Variants in F7 observed in about 807,000 individuals in gnomAD.
F7 encodes FVII coagulation protein.
In F7, 38 loss-of-function variants were observed where a neutral mutation model predicts 47.5. The ratio of observed to expected loss-of-function variants is 0.80; its 90% CI spans 0.62 to 1.05. The LOEUF is 1.05. F7 is among the 50% of genes least tolerant of loss of function. The pLI is 0.00. For synonymous variants in F7, 244 were observed against 258.5 expected, an observed-to-expected ratio of 0.94 and a Z score of 0.54; for missense variants, 575 against 605.4, an observed-to-expected ratio of 0.95 and a Z score of 0.53.
rs760755705 is a variant in F7 at position 113,113,660 on chromosome 13, C to A, written c.226-92C>A. The A allele has an allele frequency of 1.5e-6, 2 of 1,347,020 alleles. No homozygotes were observed. The highest frequency in any genetic ancestry group is 1.7e-5 in the Admixed American group (1 of 59,686). The allele number at this position is 1,347,020 out of a possible 1,614,324, so 83.4% of individuals were successfully genotyped here. On this transcript the variant is annotated intron_variant, in intron 2 of 7. Coordinates refer to ENST00000346342, the MANE Select transcript of F7 (RefSeq NM_019616.4). This position sits in a 1 kb window ranked among gnomAD's most constrained non-coding sequence, Gnocchi z 4.1. ...CACCCCGCCAGACCCAGGTCCAAGTCCCCCAACCCCAGTTCATGGTGTGTC... is the reference window on the plus strand; with the variant it reads ...CACCCCGCCAGACCCAGGTCCAAGTACCCCAACCCCAGTTCATGGTGTGTC...
chr13:113,111,916 T>TTCACACTCACGGGTCACC (rs2036105224), intron 2 of F7, among the ~76,000 whole-genome samples: 1 of 127,488 alleles, frequency 7.8e-6, no homozygotes, highest in Non-Finnish European at 1.7e-5. Flanking sequence ...CAGGGCGCAC[T>TTCACACTCACGGGTCACC]TCACACTCAC....
In F7 at chr13:113,119,074, A is replaced by G. The variant is rs1456736914; in HGVS notation, c.*66A>G. The G allele has an allele frequency of 8.4e-6, 11 of 1,316,366 alleles. No individual in the cohort carries two copies. In the Middle Eastern group the frequency reaches 6.3e-4, roughly 75 times the overall value. The allele number at this position is 1,316,366 out of a possible 1,614,324, so 81.5% of individuals were successfully genotyped here. On this transcript the variant is annotated 3_prime_UTR_variant, in exon 8 of 8. Transcript: ENST00000346342. ...TCGAACTGTCCTGGCACCAAATCCC[A>G]TATATTCTTCTGCAGTTAATGGGGT...
In F7 at chr13:113,118,739, G is replaced by A. The variant is rs2036245368; in HGVS notation, c.1066G>A (p.Gly356Arg). ...QDCLQQSRKV[G>R]DSPNITEYMF... ...CTGCCTGCAGCAGTCACGGAAGGTG[G>A]GAGACTCCCCAAATATCACGGAGTA... is the stretch of plus-strand genomic sequence containing the variant. Residue 356 changes from glycine (G) to arginine (R), a missense_variant, in exon 8 of 8, where the codon GGA (glycine) becomes AGA (arginine). By Grantham distance (125) the Gly-to-Arg change is moderately radical. Transcript: ENST00000346342. 6.2e-7 allele frequency: 1 copy of A among 1,613,010 alleles called. No individual in the cohort carries two copies. The highest frequency in any genetic ancestry group is 1.7e-5 in the Admixed American group (1 of 59,972).
At chr13:113,109,474 A>G (rs571460) in intron 1 of F7, among the ~76,000 whole-genome samples, 149,279 of 152,236 alleles carry the variant, frequency 0.98, 73,258 homozygotes, top group South Asian at 1. Flanking sequence ...GAAAACAGGC[A>G]GTGGCCTTTC....
intron 6 of F7, among the ~76,000 whole-genome samples, chr13:113,117,223 G>A (rs915692740): frequency 1.3e-5 from 2 of 152,246 alleles, no homozygotes; most frequent in African/African-American, 2.4e-5. Context: ...ATCCTGTGAG[G>A]TGAACAGTGA....
rs2036180251 is a variant in F7 at position 113,115,661 on chromosome 13, C to A, written c.366C>A (p.His122Gln). Reference protein sequence around the residue: ...PAFEGRNCETHKDDQLICVNE... With the variant: ...PAFEGRNCETQKDDQLICVNE... ...AGGGTGTCCCCTTCCTGTCCCCAGA[C>A]AAGGATGACCAGCTGATCTGTGTGA... The change falls in exon 5 of 8, where the codon CAC becomes CAA. Residue 122 changes from histidine to glutamine, a missense_variant and splice_region_variant. Physicochemically the swap from His to Gln is conservative, Grantham distance 24. Coordinates refer to ENST00000346342, the MANE Select transcript of F7 (RefSeq NM_019616.4). The A allele has an allele frequency of 6.8e-6, 11 of 1,612,816 alleles. No individual in the cohort carries two copies. Among genetic ancestry groups the A allele is most frequent in the East Asian group, 4.5e-5 (2 of 44,864 alleles).
At position 113,118,852 on chromosome 13, in the gene F7, G is replaced by C. The variant is rs766294452; in HGVS notation, c.1179G>C (p.Thr393=). 1 of 1,612,818 alleles carries C rather than the reference G, an allele frequency of 6.2e-7. No individual in the cohort carries two copies. Among genetic ancestry groups the C allele is most frequent in the Non-Finnish European group, 8.5e-7 (1 of 1,179,968 alleles). The change falls in exon 8 of 8, where the codon ACG becomes ACC. Residue 393 remains threonine, a synonymous_variant. Coordinates refer to ENST00000346342, the MANE Select transcript of F7 (RefSeq NM_019616.4). ...CACATGCCACCCACTACCGGGGCAC[G>C]TGGTACCTGACGGGCATCGTCAGCT... is the stretch of plus-strand genomic sequence containing the variant. ...GGPHATHYRG[T]WYLTGIVSWG... is the part of the protein sequence containing the mutation.
chr13:113,111,073 C>A (rs1268205550), intron 2 of F7, among the ~76,000 whole-genome samples: 1 of 152,208 alleles, frequency 6.6e-6, no homozygotes, highest in Non-Finnish European at 1.5e-5. Context: ...TGCGGCCGCA[C>A]CGCGCATGCC....
intron 1 of F7, among the ~76,000 whole-genome samples, chr13:113,108,734 C>A (rs1431074777): frequency 9.9e-6 from 1 of 100,906 alleles, no homozygotes; most frequent in African/African-American, 4.1e-5. Flanking sequence ...GTGGGTGTCC[C>A]GGGAGTGTGG....
intron 1 of F7, 137 bp from the exon 2 acceptor site, chr13:113,110,553 G>C: frequency 8.2e-7 from 1 of 1,226,188 alleles, no homozygotes; most frequent in Admixed American, 2.1e-5. Flanking sequence ...CACCCAGCCA[G>C]GCCCGCGAGC....
chr13:113,110,474 GA>G, intron 1 of F7: 1 of 575,548 alleles, frequency 1.7e-6, no homozygotes, highest in Non-Finnish European at 2.9e-6. Context: ...TCAGCCCCCG[GA>G]AGCAGAGAGG....
Position 113,110,848 on chromosome 13 carries a change from A to G in F7, c.223A>G (p.Thr75Ala). The G allele has an allele frequency of 1.9e-6, 3 of 1,558,726 alleles. No individual in the cohort carries two copies. Among genetic ancestry groups the G allele is most frequent in the Non-Finnish European group, 2.6e-6 (3 of 1,152,126 alleles). The change falls in exon 2 of 8, where the codon ACG (threonine) becomes GCG (alanine). Residue 75 changes from threonine (T) to alanine (A), a missense_variant and splice_region_variant. Physicochemically the swap from Thr to Ala is moderately conservative, Grantham distance 58 (BLOSUM62 0). Transcript: ENST00000346342. ...GGAGATCTTCAAGGACGCGGAGAGG[A>G]CGGTGAGCCCAGCCTCGGGGCGCCC... ...AREIFKDAER[T>A]KLFWISYSDG...
chr13:113,117,428 C>T, intron 6 of F7, 45 bp from the exon 7 acceptor site: 2 of 1,609,040 alleles, frequency 1.2e-6, no homozygotes, highest in Non-Finnish European at 1.7e-6. Context: ...ATCAGAGAAA[C>T]AATGACAGCA....
At chr13:113,112,707 C>G (rs1297982163) in intron 2 of F7, among the ~76,000 whole-genome samples, 2 of 130,112 alleles carry the variant, frequency 1.5e-5, no homozygotes, top group Non-Finnish European at 3.3e-5. Context: ...TCACAGAGGT[C>G]ACCTCACACA....
chr13:113,110,341 G>C (rs1258107624), intron 1 of F7: 2 of 254,258 alleles, frequency 7.9e-6, no homozygotes, highest in Admixed American at 6.1e-5. Flanking sequence ...GGGGTTGCCC[G>C]GCACCCGGGG....
At chr13:113,114,324 AG>A (rs59136046) in intron 4 of F7, among the ~76,000 whole-genome samples, 21,376 of 129,894 alleles carry the variant, frequency 0.16, 1,669 homozygotes, top group South Asian at 0.38. Flanking sequence ...CAAAGGTTTG[AG>A]GGGTTTGTTT....
At chr13:113,111,169 G>A (rs1056434267) in intron 2 of F7, among the ~76,000 whole-genome samples, 2 of 152,226 alleles carry the variant, frequency 1.3e-5, no homozygotes, top group Non-Finnish European at 2.9e-5. Context: ...AGTCCCCGAA[G>A]GGTCCAGGGC....
rs1038283657 is a variant in F7, at chr13:113,119,158, G to A, written c.*150G>A. On this transcript the variant is annotated 3_prime_UTR_variant, in exon 8 of 8. Transcript: ENST00000346342. ...AGGGAGACAGAGACAGAAACAGAGA[G>A]AGACAGAGACAGAGAGAGACTGAGG... 4.4e-6 allele frequency: 3 copies of A among 676,388 alleles called. No homozygotes were observed. The Admixed American group carries it at 7.0e-5, about 16-fold the overall frequency. 41.9% of individuals were successfully genotyped at this position (676,388 alleles called of 1,614,324 possible).
intron 1 of F7, 92 bp from the exon 2 acceptor site, chr13:113,110,598 C>T: frequency 2.0e-6 from 3 of 1,517,162 alleles, no homozygotes; most frequent in Non-Finnish European, 8.9e-7. Flanking sequence ...GGGCGGGAAC[C>T]TGCGATGCCC....
Sources: allele counts gnomAD v4.1 joint callset (sites outside exome capture counted in the v4.1 genomes callset), GRCh38; gene constraint gnomAD v4.1.1; non-coding constraint Gnocchi (gnomAD v3.1); transcripts MANE v1.5; gene names NCBI Gene and HGNC (gene_info 2026-07-23, HGNC 2026-07-21).